Variants in PIK3CA observed in about 807,000 individuals in gnomAD.
PIK3CA encodes phosphatidylinositol 4,5-bisphosphate 3-kinase catalytic subunit alpha isoform.
A neutral mutation model predicts 138.2 loss-of-function variants in PIK3CA; 27 were observed. The ratio of observed to expected loss-of-function variants is 0.20; its 90% CI spans 0.14 to 0.27. The LOEUF (loss-of-function observed/expected upper bound fraction) is 0.27, where lower values mean the gene tolerates loss of function less well. Among genes scored for constraint, PIK3CA ranks in the 10% least tolerant of loss-of-function variants. The pLI, the probability that PIK3CA is intolerant of heterozygous loss-of-function variation, is 1.00. For missense variants in PIK3CA, 544 were observed against 1,277.4 expected (o/e 0.43, Z 8.75); for synonymous variants, 358 against 413.2 (o/e 0.87, Z 1.62).
Position 179,230,004 on chromosome 3 carries a change from A to G in PIK3CA, c.2667A>G (p.Ile889Met), listed in dbSNP as rs17849078. 1.1e-5 allele frequency: 17 copies of G among 1,603,622 alleles called. No homozygotes were observed. In the East Asian group the frequency reaches 3.3e-4, roughly 32 times the overall value. ...QWLKDKNKGE[I>M]YDAAIDLFTR... ...CTCATGAGGTGTTTATTCTTTGTAG[A>G]TATGATGCAGCCATTGACCTGTTTA... Residue 889 changes from isoleucine (I) to methionine (M), a missense_variant and splice_region_variant, in exon 19 of 21, where the codon ATA becomes ATG. Ile to Met is a conservative substitution (Grantham distance 10). Around this residue, in one of 14 missense-constraint regions of PIK3CA, gnomAD observed 72 missense variants for 271.8 expected, o/e 0.26. Coordinates refer to ENST00000263967, the MANE Select transcript of PIK3CA (RefSeq NM_006218.4). The surrounding 1 kb of genome is among the most constrained non-coding windows in gnomAD (Gnocchi z 5.4).
intron 1 of PIK3CA, among the ~76,000 whole-genome samples, chr3:179,191,148 A>G (rs1049910653): frequency 6.6e-6 from 1 of 152,168 alleles, no homozygotes; most frequent in Admixed American, 6.5e-5. Flanking sequence ...ACTTGAGGAG[A>G]GAAGATGAAG....
rs1420899454 is a variant in PIK3CA, at chr3:179,240,000, T to G, written c.*5636T>G. ...AAGTTTGGCCTGTGACTGCACTTAC[T>G]GTTTATGCTCATCAGAAACTGTCAA... On this transcript the variant is annotated 3_prime_UTR_variant, in exon 21 of 21. Coordinates refer to ENST00000263967, the MANE Select transcript of PIK3CA (RefSeq NM_006218.4). 1 of 1,543,778 alleles carries G rather than the reference T, an allele frequency of 6.5e-7. No individual in the cohort carries two copies. Among genetic ancestry groups the G allele is most frequent in the East Asian group, 2.4e-5 (1 of 40,850 alleles).
intron 1 of PIK3CA, among the ~76,000 whole-genome samples, chr3:179,189,968 A>C (rs1442228589): frequency 2.0e-5 from 3 of 152,140 alleles, no homozygotes; most frequent in Non-Finnish European, 4.4e-5. Flanking sequence ...CTTTGGACTC[A>C]CTCCAGAAAC....
chr3:179,190,074 A>G (rs890915250), intron 1 of PIK3CA, among the ~76,000 whole-genome samples: 7 of 152,308 alleles, frequency 4.6e-5, no homozygotes, highest in Admixed American at 1.3e-4. Flanking sequence ...CATCTCCACT[A>G]TAGTAAAATT....
In PIK3CA at chr3:179,171,981, C is replaced by A. The variant is rs746161106; in HGVS notation, c.-77+23378C>A. ...CCTCATAAATGTAGACACAAAAATC[C>A]TTAGCAAAATATTAGCATGTTTAAT... is the stretch of plus-strand genomic sequence containing the variant. On this transcript the variant is annotated intron_variant, in intron 1 of 20. Coordinates refer to ENST00000263967, the MANE Select transcript of PIK3CA (RefSeq NM_006218.4). Among the ~76,000 whole-genome samples, 11 of 151,726 alleles carry A rather than the reference C, an allele frequency of 7.2e-5. 1 individual carries two copies. Among genetic ancestry groups the A allele is most frequent in the Non-Finnish European group, 1.6e-4 (11 of 67,918 alleles).
Position 179,224,179 on chromosome 3 carries a change from A to G in PIK3CA, c.2286A>G (p.Gly762=). ...CTCTAAACCCTGCTCATCAACTAGG[A>G]AACCTCAGGTACTTTCTTGGGGGTT... is the stretch of plus-strand genomic sequence containing the variant. ...LSPLNPAHQL[G]NLRLEECRIM... is the part of the protein sequence containing the mutation. The change falls in exon 15 of 21, where the codon GGA becomes GGG. Residue 762 remains glycine (G), a synonymous_variant. Transcript: ENST00000263967. 6.5e-7 allele frequency: 1 copy of G among 1,532,306 alleles called. No individual in the cohort carries two copies. The highest frequency in any genetic ancestry group is 9.0e-7 in the Non-Finnish European group (1 of 1,114,880). 94.9% of individuals were successfully genotyped at this position (1,532,306 alleles called of 1,614,324 possible).
chr3:179,193,880 A>AT (rs1724197421), intron 1 of PIK3CA, among the ~76,000 whole-genome samples: 1 of 152,180 alleles, frequency 6.6e-6, no homozygotes, highest in Non-Finnish European at 1.5e-5. Flanking sequence ...TAGTAAATAC[A>AT]TTTTTAATTC....
At chr3:179,170,846 G>A (rs1210483318) in intron 1 of PIK3CA, among the ~76,000 whole-genome samples, 4 of 152,148 alleles carry the variant, frequency 2.6e-5, no homozygotes, top group African/African-American at 9.7e-5. Context: ...TCAATATTTA[G>A]AAGAGTTGGA....
chr3:179,197,370 A>G lies in PIK3CA; in HGVS notation c.-76-1380A>G, dbSNP rs1724293238. On this transcript the variant is annotated intron_variant, in intron 1 of 20. Transcript: ENST00000263967. Reference sequence around the variant, plus strand: ...TTAAAGGATTAAGTTTATGTTTCCTACTATGGGAAACCATCCCACCCCAAA... The same window carrying G: ...TTAAAGGATTAAGTTTATGTTTCCTGCTATGGGAAACCATCCCACCCCAAA... Among the ~76,000 whole-genome samples the G allele has an allele frequency of 2.0e-5, 3 of 152,186 alleles. No individual in the cohort carries two copies. In the South Asian group the frequency reaches 6.2e-4, roughly 32 times the overall value.
Position 179,235,705 on chromosome 3 carries a change from A to C in PIK3CA, c.*1341A>C, listed in dbSNP as rs1319185629. The C allele has an allele frequency of 1.5e-5, 3 of 206,648 alleles. No individual in the cohort carries two copies. The highest frequency in any genetic ancestry group is 4.6e-5 in the African/African-American group (2 of 43,938). The allele number at this position is 206,648 out of a possible 1,614,324, so 12.8% of individuals were successfully genotyped here. A position where few individuals can be genotyped will look rare whatever the true frequency, so the allele number is the denominator to read the frequency against. The stretch of plus-strand genomic sequence containing the variant: ...AAATATGGGGGAATAGAAACCATGA[A>C]CTTTTTACCTTTTTAAACTATTTAT... On this transcript the variant is annotated 3_prime_UTR_variant, in exon 21 of 21. Transcript: ENST00000263967.
chr3:179,216,381 T>C (rs1407746230), intron 9 of PIK3CA, among the ~76,000 whole-genome samples: 1 of 151,830 alleles, frequency 6.6e-6, no homozygotes, highest in Non-Finnish European at 1.5e-5. Context: ...TTTTATTATA[T>C]GCACCAAAAT....
intron 1 of PIK3CA, among the ~76,000 whole-genome samples, chr3:179,184,970 G>T (rs1473708194): frequency 6.6e-6 from 1 of 152,128 alleles, no homozygotes. Context: ...AGTCCCTATG[G>T]TGACTAAATT....
intron 1 of PIK3CA, among the ~76,000 whole-genome samples, chr3:179,171,821 A>T (rs979477210): frequency 1.3e-5 from 2 of 152,112 alleles, no homozygotes; most frequent in Non-Finnish European, 2.9e-5. Flanking sequence ...GGAAGAAAAA[A>T]ATACAAGTCC....
intron 1 of PIK3CA, among the ~76,000 whole-genome samples, chr3:179,179,866 G>A (rs183219305): frequency 6.6e-6 from 1 of 152,286 alleles, no homozygotes; most frequent in Admixed American, 6.5e-5. Context: ...TAATAAGACT[G>A]TGAAGGGACT....
In PIK3CA at chr3:179,236,244, TATTGCC is replaced by T. The variant is rs140992035; in HGVS notation, c.*1882_*1887del. ...GTATTTCACTAAAGCATGTATATAA[TATTGCC>T]AACAAGAAAAGTAAATTTGAAGATT... On this transcript the variant is annotated 3_prime_UTR_variant, in exon 21 of 21. Transcript: ENST00000263967. 4,789 of 206,466 alleles carry T rather than the reference TATTGCC, an allele frequency of 0.023. 72 individuals are homozygous for T. The highest frequency in any genetic ancestry group is 0.035 in the Non-Finnish European group (3,534 of 101,140). The allele number at this position is 206,466 out of a possible 1,614,324, so 12.8% of individuals were successfully genotyped here.
intron 1 of PIK3CA, among the ~76,000 whole-genome samples, chr3:179,169,701 A>G (rs1723503323): frequency 6.6e-6 from 1 of 152,194 alleles, no homozygotes; most frequent in Admixed American, 6.5e-5. Context: ...TTTTATAACT[A>G]AGGATTTAAT....
intron 1 of PIK3CA, among the ~76,000 whole-genome samples, chr3:179,173,404 CAAAAA>C (rs749831764): frequency 2.3e-5 from 1 of 43,110 alleles, no homozygotes; most frequent in Non-Finnish European, 4.6e-5. Context: ...GCTAAAAATA[CAAAAA>C]AAAAAAAAAA....
At chr3:179,229,491 A>G (rs2108423340) in intron 18 of PIK3CA, 49 bp downstream of exon 18, 3 of 1,454,436 alleles carry the variant, frequency 2.1e-6, no homozygotes, top group Non-Finnish European at 2.8e-6. Flanking sequence ...TTTTTGTTAG[A>G]TGAGTCTGTC....
rs1483587284 is a variant in PIK3CA, at chr3:179,237,170, G to T, written c.*2806G>T. ...TTATTTTGAAGATTTTTAGACTACTGTTAATTTGAAATCTGTTACTCTTAT... is the reference window on the plus strand; with the variant it reads ...TTATTTTGAAGATTTTTAGACTACTTTTAATTTGAAATCTGTTACTCTTAT... On this transcript the variant is annotated 3_prime_UTR_variant, in exon 21 of 21. Transcript: ENST00000263967. 5.1e-6 allele frequency: 1 copy of T among 195,656 alleles called. No homozygotes were observed. Among genetic ancestry groups the T allele is most frequent in the Non-Finnish European group, 1.1e-5 (1 of 94,242 alleles). The allele number at this position is 195,656 out of a possible 1,614,324, so 12.1% of individuals were successfully genotyped here.
Sources: gnomAD v4.1 joint callset for allele counts (sites outside exome capture counted in the v4.1 genomes callset) on GRCh38, gnomAD v4.1.1 for gene constraint, gnomAD v4.1.1 regional missense constraint, Gnocchi (gnomAD v3.1) non-coding constraint, MANE v1.5 for transcripts, NCBI Gene and HGNC (gene_info 2026-07-23, HGNC 2026-07-21) for gene names.